HIRA: variants seen among roughly 807,000 people sequenced by gnomAD.
HIRA encodes the protein protein HIRA.
HIRA carries 13 observed loss-of-function variants against 126.6 expected under a neutral mutation model. The observed-to-expected ratio is 0.10, with a 90% CI of 0.07 to 0.16. The LOEUF (loss-of-function observed/expected upper bound fraction) is 0.16. Among genes scored for constraint, HIRA ranks in the 10% least tolerant of loss-of-function variants. The pLI is 1.00. For synonymous variants in HIRA, 511 were observed against 520.0 expected, an observed-to-expected ratio of 0.98 and a Z score of 0.24; for missense variants, 834 against 1,314.4, an observed-to-expected ratio of 0.63 and a Z score of 5.65.
intron 24 of HIRA, among the ~76,000 whole-genome samples, chr22:19,346,166 T>G (rs1162160974): frequency 6.6e-6 from 1 of 150,924 alleles, no homozygotes; most frequent in Non-Finnish European, 1.5e-5. Context: ...CACAGCTATA[T>G]TTTCCCAGTT....
At chr22:19,333,378 T>TA in intron 24 of HIRA, among the ~76,000 whole-genome samples, 1 of 152,280 alleles carries the variant, frequency 6.6e-6, no homozygotes, top group Admixed American at 6.5e-5. Flanking sequence ...TTTGAACATT[T>TA]AGAGAAAATG....
chr22:19,416,147 T>G (rs138349474), intron 1 of HIRA, among the ~76,000 whole-genome samples: 1 of 152,176 alleles, frequency 6.6e-6, no homozygotes, highest in African/African-American at 2.4e-5. Flanking sequence ...CAGTCTCTTT[T>G]ACAAATGGTG....
intron 1 of HIRA, among the ~76,000 whole-genome samples, chr22:19,411,600 C>T (rs1271068059): frequency 1.3e-5 from 2 of 152,232 alleles, no homozygotes; most frequent in Non-Finnish European, 2.9e-5. Context: ...ATCACATCTT[C>T]AGCCTCTAGC....
In HIRA at chr22:19,419,621, AG is replaced by A. The variant is rs1292371734; in HGVS notation, c.38-8844del. ...CTCTGCCCACTAGAATGTAAACTCC[AG>A]TAAGTAGATCAGCTCTTTTGTCTGT... On this transcript the variant is annotated intron_variant, in intron 1 of 24. Transcript: ENST00000263208. Among the ~76,000 whole-genome samples, 4 of 152,218 alleles carry A rather than the reference AG, an allele frequency of 2.6e-5. No homozygotes were observed. The East Asian group carries it at 7.7e-4, about 29-fold the overall frequency.
At chr22:19,383,309 AG>A (rs1485789423) in intron 13 of HIRA, among the ~76,000 whole-genome samples, 1 of 152,146 alleles carries the variant, frequency 6.6e-6, no homozygotes, top group African/African-American at 2.4e-5. Flanking sequence ...AAGAAAAAAA[AG>A]AAAAAAAAAA....
chr22:19,417,159 C>T (rs2089405093), intron 1 of HIRA, among the ~76,000 whole-genome samples: 1 of 152,004 alleles, frequency 6.6e-6, no homozygotes, highest in Non-Finnish European at 1.5e-5. Context: ...GAGATCGTGC[C>T]ATTGCACTCC....
intron 13 of HIRA, among the ~76,000 whole-genome samples, chr22:19,379,880 C>T (rs894792385): frequency 3.9e-5 from 6 of 152,048 alleles, no homozygotes; most frequent in Admixed American, 2.6e-4. Context: ...GCAATCTCGG[C>T]TCACTGCAAC....
chr22:19,396,343 G>A (rs367617424), intron 7 of HIRA, among the ~76,000 whole-genome samples: 2 of 152,030 alleles, frequency 1.3e-5, no homozygotes, highest in Non-Finnish European at 2.9e-5. Flanking sequence ...TGGCGAAACC[G>A]CATCTCTGTT....
chr22:19,431,374 C>A, intron 1 of HIRA, 66 bp downstream of exon 1: 2 of 1,561,992 alleles, frequency 1.3e-6, no homozygotes, highest in South Asian at 2.2e-5. Context: ...TGCGCGCGCC[C>A]CGACTCGACT....
At chr22:19,378,380 G>A (rs999106025) in intron 13 of HIRA, among the ~76,000 whole-genome samples, 5 of 152,250 alleles carry the variant, frequency 3.3e-5, no homozygotes, top group Admixed American at 2.0e-4. Context: ...TAGGAGGAAT[G>A]AAATGCAGCA....
In HIRA at chr22:19,410,704, C is replaced by G. The variant is rs778130537; in HGVS notation, c.100+12G>C. 3.1e-6 allele frequency: 5 copies of G among 1,606,852 alleles called. No homozygotes were observed. The South Asian group carries it at 5.5e-5, about 18-fold the overall frequency. ...CTGTTAAGCTTTCCCTTTCTTTATT[C>G]CATAAACATACCTTGTCCTCCAGTT... On this transcript the variant is annotated intron_variant, in intron 2 of 24. Coordinates refer to ENST00000263208, the MANE Select transcript of HIRA (RefSeq NM_003325.4).
At chr22:19,334,970 C>G (rs8139364) in intron 24 of HIRA, among the ~76,000 whole-genome samples, 3,547 of 151,726 alleles carry the variant, frequency 0.023, 161 homozygotes, top group African/African-American at 0.081. Flanking sequence ...ATTCTTTTTA[C>G]TGCTTTGGGA....
chr22:19,343,171 A>C (rs923633035), intron 24 of HIRA, among the ~76,000 whole-genome samples: 13 of 152,154 alleles, frequency 8.5e-5, no homozygotes, highest in Non-Finnish European at 1.6e-4. Context: ...TGGGTGCACT[A>C]AAATGTCAAA....
chr22:19,336,559 C>T (rs1432287539), intron 24 of HIRA, among the ~76,000 whole-genome samples: 1 of 152,246 alleles, frequency 6.6e-6, no homozygotes, highest in Non-Finnish European at 1.5e-5. Flanking sequence ...ATGATGACTT[C>T]ACTGGTAGCA....
At chr22:19,352,087 T>C (rs1463549921) in intron 23 of HIRA, among the ~76,000 whole-genome samples, 3 of 151,892 alleles carry the variant, frequency 2.0e-5, no homozygotes, top group African/African-American at 7.3e-5. Context: ...TGAGGAATTT[T>C]GGAAGTGAAT....
intron 5 of HIRA, among the ~76,000 whole-genome samples, chr22:19,405,303 G>A (rs1272314276): frequency 6.6e-6 from 1 of 152,178 alleles, no homozygotes; most frequent in African/African-American, 2.4e-5. Context: ...TGAGTGTACA[G>A]TGCATGGGCA....
chr22:19,379,944 G>T (rs1487518068), intron 13 of HIRA, among the ~76,000 whole-genome samples: 1 of 152,000 alleles, frequency 6.6e-6, no homozygotes, highest in African/African-American at 2.4e-5. Flanking sequence ...AAGTAGCTGG[G>T]ACTACAGGGG....
At chr22:19,347,933 C>T (rs137927998) in intron 24 of HIRA, among the ~76,000 whole-genome samples, 9 of 152,230 alleles carry the variant, frequency 5.9e-5, no homozygotes, top group South Asian at 2.1e-4. Context: ...AGCGAGACTC[C>T]GTCTCAAAAT....
chr22:19,380,031 A>T (rs1258577809), intron 13 of HIRA, among the ~76,000 whole-genome samples: 1 of 151,692 alleles, frequency 6.6e-6, no homozygotes, highest in Non-Finnish European at 1.5e-5. Context: ...GATGGTCTTG[A>T]TCTCTTGACC....
Sources: gnomAD v4.1 joint callset for allele counts (sites outside exome capture counted in the v4.1 genomes callset) on GRCh38, gnomAD v4.1.1 for gene constraint, MANE v1.5 for transcripts, NCBI Gene and HGNC (gene_info 2026-07-23, HGNC 2026-07-21) for gene names.